Variants in KCNC2 observed in about 807,000 individuals in gnomAD.
KCNC2 encodes potassium voltage-gated channel subfamily C member 2.
In KCNC2, 21 loss-of-function variants were observed where a neutral mutation model predicts 44.5. That is an observed-to-expected ratio of 0.47 (90% CI 0.33 to 0.68). The LOEUF (loss-of-function observed/expected upper bound fraction) is 0.68. Among genes scored for constraint, KCNC2 ranks in the 30% least tolerant of loss-of-function variants. The pLI is 0.01. For synonymous variants in KCNC2, 391 were observed against 339.1 expected (o/e 1.15, Z -1.68); for missense variants, 589 against 826.2 (o/e 0.71, Z 3.52).
In KCNC2 at chr12:75,070,629, A is replaced by T. The variant is rs931326821; in HGVS notation, c.688-19312T>A. 7.2e-5 allele frequency among the ~76,000 whole-genome samples: 11 copies of T among 152,042 alleles called. 2 individuals carry two copies. The highest frequency in any genetic ancestry group is 5.2e-4 in the Admixed American group (8 of 15,240). On this transcript the variant is annotated intron_variant, in intron 2 of 4. Coordinates refer to ENST00000549446, the MANE Select transcript of KCNC2 (RefSeq NM_139137.4). ...GTTGAGATAAAAACAGAACTTTAAA[A>T]AAATATATATATACTCTCAAATACA...
At chr12:75,061,242 C>T (rs1041468023) in intron 2 of KCNC2, among the ~76,000 whole-genome samples, 1 of 151,952 alleles carries the variant, frequency 6.6e-6, no homozygotes, top group Non-Finnish European at 1.5e-5. Context: ...ACACCACTTT[C>T]CCCAAGTGGA....
chr12:75,099,228 G>C (rs1886178767), intron 2 of KCNC2, among the ~76,000 whole-genome samples: 1 of 152,176 alleles, frequency 6.6e-6, no homozygotes, highest in Admixed American at 6.5e-5. Context: ...TTTGTTCTCA[G>C]ATAAATTTAC....
intron 2 of KCNC2, among the ~76,000 whole-genome samples, chr12:75,065,165 A>T (rs1882707967): frequency 6.6e-6 from 1 of 152,092 alleles, no homozygotes; most frequent in South Asian, 2.1e-4. Context: ...ATAAAAACAG[A>T]AATAAAAAAT....
intron 2 of KCNC2, among the ~76,000 whole-genome samples, chr12:75,062,209 G>A (rs1053574632): frequency 1.3e-5 from 2 of 152,012 alleles, no homozygotes; most frequent in East Asian, 1.9e-4. Context: ...TAACATACAT[G>A]TCTTCTCTGA....
rs2031756663 is a variant in KCNC2, at chr12:75,207,206, G to GCCTCA, written c.687+90_687+91insTGAGG. 1 of 1,481,142 alleles carries GCCTCA rather than the reference G, an allele frequency of 6.8e-7. No individual in the cohort carries two copies. Among genetic ancestry groups the GCCTCA allele is most frequent in the East Asian group, 2.5e-5 (1 of 40,042 alleles). 91.7% of individuals were successfully genotyped at this position (1,481,142 alleles called of 1,614,324 possible). On this transcript the variant is annotated intron_variant, in intron 2 of 4. Coordinates refer to ENST00000549446, the MANE Select transcript of KCNC2 (RefSeq NM_139137.4). The surrounding 1 kb of genome is among the most constrained non-coding windows in gnomAD (Gnocchi z 4.1). ...ATCCCGGGTCTCTTCTACCCCCCAT[G>GCCTCA]CCTGAGGCCCTGGGGTGGAAAAGAA...
rs577484642 is a variant in KCNC2 at position 75,153,069 on chromosome 12, GA to G, written c.687+54227del. On this transcript the variant is annotated intron_variant, in intron 2 of 4. Transcript: ENST00000549446. ...TTAGGTATCGTGAAGTAAATTCAGA[GA>G]AAAAAATACTGTATTACTTAGTTAA... 1.7e-3 allele frequency among the ~76,000 whole-genome samples: 265 copies of G among 151,734 alleles called. 3 individuals are homozygous for G. Among genetic ancestry groups the G allele is most frequent in the African/African-American group, 6.3e-3 (259 of 41,420 alleles).
intron 2 of KCNC2, among the ~76,000 whole-genome samples, chr12:75,204,713 A>G (rs953843265): frequency 1.3e-5 from 2 of 152,090 alleles, no homozygotes; most frequent in Non-Finnish European, 2.9e-5. Context: ...ATATGATTCT[A>G]TTTTTCAAAC....
intron 2 of KCNC2, among the ~76,000 whole-genome samples, chr12:75,066,272 A>G (rs888178927): frequency 2.1e-4 from 32 of 152,124 alleles, no homozygotes; most frequent in African/African-American, 5.8e-4. Context: ...TTCAAAGTTT[A>G]TATTTTTTAC....
chr12:75,049,327 T>C (rs1265274562), intron 3 of KCNC2, among the ~76,000 whole-genome samples: 7 of 152,128 alleles, frequency 4.6e-5, no homozygotes, highest in African/African-American at 9.7e-5. Context: ...TTCTAAATTA[T>C]GCAAAATCAT....
intron 2 of KCNC2, among the ~76,000 whole-genome samples, chr12:75,134,358 A>T (rs1240868612): frequency 6.6e-6 from 1 of 152,040 alleles, no homozygotes; most frequent in Non-Finnish European, 1.5e-5. Context: ...AAAGCACATG[A>T]TTAATACATA....
chr12:75,107,798 T>C (rs2137217655), intron 2 of KCNC2, among the ~76,000 whole-genome samples: 1 of 152,282 alleles, frequency 6.6e-6, no homozygotes. Flanking sequence ...TCTAAAATAT[T>C]CAGGAAGAGC....
intron 2 of KCNC2, among the ~76,000 whole-genome samples, chr12:75,113,991 CAT>C (rs975775207): frequency 3.3e-5 from 5 of 152,192 alleles, no homozygotes; most frequent in African/African-American, 1.2e-4. Context: ...CACACATACA[CAT>C]ATATACACAC....
chr12:75,130,034 C>G (rs990257033), intron 2 of KCNC2, among the ~76,000 whole-genome samples: 12 of 152,086 alleles, frequency 7.9e-5, no homozygotes, highest in Non-Finnish European at 2.9e-5. Flanking sequence ...TTCTGTTTAC[C>G]CTTCAGGGTC....
chr12:75,086,669 AAAAAAAAAAAAAAT>A lies in KCNC2; in HGVS notation c.688-35366_688-35353del, dbSNP rs745701581. The stretch of plus-strand genomic sequence containing the variant: ...AAGCAAGTTCATTTGGCAAAAAAAA[AAAAAAAAAAAAAAT>A]ATATATATATATATATACACACACA... On this transcript the variant is annotated intron_variant, in intron 2 of 4. Transcript: ENST00000549446. Among the ~76,000 whole-genome samples, 152 of 79,184 alleles carry A rather than the reference AAAAAAAAAAAAAAT, an allele frequency of 1.9e-3. 2 individuals carry two copies. The East Asian group carries it at 0.028, about 15-fold the overall frequency. 51.9% of individuals were successfully genotyped at this position (79,184 alleles called of 152,430 possible). A position where few individuals can be genotyped will look rare whatever the true frequency, so the allele number is the denominator to read the frequency against.
At chr12:75,085,937 G>C (rs1189629876) in intron 2 of KCNC2, among the ~76,000 whole-genome samples, 1 of 151,914 alleles carries the variant, frequency 6.6e-6, no homozygotes, top group African/African-American at 2.4e-5. Flanking sequence ...CAAAAGACCT[G>C]ATTTCCCACC....
At chr12:75,201,290 A>C (rs948744703) in intron 2 of KCNC2, among the ~76,000 whole-genome samples, 11 of 85,144 alleles carry the variant, frequency 1.3e-4, no homozygotes, top group Non-Finnish European at 2.5e-4. Flanking sequence ...AAAAAAAAAA[A>C]AAAAAAAACC....
At chr12:75,064,104 G>C (rs10879878) in intron 2 of KCNC2, among the ~76,000 whole-genome samples, 63,360 of 151,842 alleles carry the variant, frequency 0.42, 16,488 homozygotes, top group Non-Finnish European at 0.59. Context: ...AATTGATTTT[G>C]TTTCTAAAAT....
At chr12:75,055,195 A>G (rs74883048) in intron 2 of KCNC2, among the ~76,000 whole-genome samples, 3,470 of 152,252 alleles carry the variant, frequency 0.023, 43 homozygotes, top group Middle Eastern at 0.041. Flanking sequence ...CAGGATAGAT[A>G]AAGGGGTGGA....
At chr12:75,146,238 A>G (rs901706122) in intron 2 of KCNC2, among the ~76,000 whole-genome samples, 1 of 152,050 alleles carries the variant, frequency 6.6e-6, no homozygotes, top group Admixed American at 6.6e-5. Context: ...ACAGGCAACA[A>G]CCTTACTGAC....
Sources: allele counts gnomAD v4.1 joint callset (sites outside exome capture counted in the v4.1 genomes callset), GRCh38; gene constraint gnomAD v4.1.1; non-coding constraint Gnocchi (gnomAD v3.1); transcripts MANE v1.5; gene names NCBI Gene and HGNC (gene_info 2026-07-23, HGNC 2026-07-21).